The following SCARB2 variants were observed in gnomAD, a reference collection of about 807,000 sequenced individuals.
SCARB2 encodes the protein scavenger receptor class B member 2, also known as lysosome membrane protein 2.
Under a neutral mutation model 58.6 loss-of-function variants are expected in SCARB2, and 29 were observed. The ratio of observed to expected loss-of-function variants is 0.49; its 90% CI spans 0.37 to 0.67. The LOEUF is 0.67. Among genes scored for constraint, SCARB2 ranks in the 30% least tolerant of loss-of-function variants. The pLI is 0.00. For synonymous variants in SCARB2, 195 were observed against 210.1 expected (o/e 0.93, Z 0.62); for missense variants, 488 against 578.5 (o/e 0.84, Z 1.60).
intron 1 of SCARB2, among the ~76,000 whole-genome samples, chr4:76,197,173 G>C (rs1269070810): frequency 6.6e-6 from 1 of 152,184 alleles, no homozygotes; most frequent in Non-Finnish European, 1.5e-5. Context: ...AAGCCACCCA[G>C]TCTGTTGTAT....
At chr4:76,202,817 T>C (rs1225475497) in intron 1 of SCARB2, among the ~76,000 whole-genome samples, 1 of 152,210 alleles carries the variant, frequency 6.6e-6, no homozygotes, top group African/African-American at 2.4e-5. Context: ...ATCCTTGTTA[T>C]TAAATAGGTT....
Position 76,174,322 on chromosome 4 carries a change from A to G in SCARB2, c.825-9T>C. 6.2e-7 allele frequency: 1 copy of G among 1,613,884 alleles called. No individual in the cohort carries two copies. The highest frequency in any genetic ancestry group is 8.5e-7 in the Non-Finnish European group (1 of 1,179,792). On this transcript the variant is annotated splice_polypyrimidine_tract_variant and intron_variant, in intron 6 of 11. Coordinates refer to ENST00000264896, the MANE Select transcript of SCARB2 (RefSeq NM_005506.4). The stretch of plus-strand genomic sequence containing the variant: ...AAGTAATATACACTGACCTGTTAGG[A>G]TGTAAGAATAAAAAGTGAATGTGGA...
intron 1 of SCARB2, among the ~76,000 whole-genome samples, chr4:76,196,065 G>A (rs566834316): frequency 3.9e-5 from 6 of 152,288 alleles, no homozygotes; most frequent in African/African-American, 1.4e-4. Context: ...AGTCAGAGAA[G>A]GCCTTCGATA....
At chr4:76,208,947 T>C (rs978303528) in intron 1 of SCARB2, among the ~76,000 whole-genome samples, 3 of 152,128 alleles carry the variant, frequency 2.0e-5, no homozygotes, top group African/African-American at 4.8e-5. Context: ...ACAGAAACCA[T>C]GTAGGACTAT....
At chr4:76,190,008 ACTT>A (rs1560713936) in intron 2 of SCARB2, among the ~76,000 whole-genome samples, 3 of 145,408 alleles carry the variant, frequency 2.1e-5, no homozygotes, top group African/African-American at 7.7e-5. Context: ...TATACTTGAC[ACTT>A]TTTTTTTTTT....
chr4:76,207,782 T>C (rs1732958766), intron 1 of SCARB2, among the ~76,000 whole-genome samples: 3 of 152,234 alleles, frequency 2.0e-5, no homozygotes, highest in Non-Finnish European at 2.9e-5. Context: ...GCAGAACAGA[T>C]GGCCCCTCTG....
chr4:76,186,699 C>G (rs1014363429), intron 2 of SCARB2, among the ~76,000 whole-genome samples: 2 of 152,154 alleles, frequency 1.3e-5, no homozygotes, highest in Non-Finnish European at 2.9e-5. Context: ...CCCATAGGCT[C>G]ACGTAGGCAA....
At position 76,180,956 on chromosome 4, in the gene SCARB2, A is replaced by G; in HGVS notation, c.421T>C (p.Leu141=). The change falls in exon 3 of 12, where the codon TTG becomes CTG. Residue 141 remains leucine (L), a splice_region_variant and synonymous_variant. Coordinates refer to ENST00000264896, the MANE Select transcript of SCARB2 (RefSeq NM_005506.4). ...DLIRTLNIPV[L]TVIEWSQVHF... ...ATGGTATTAAAATGCCTACTTACCA[A>G]TACAGGAATATTTAATGTTCTAATT... 1.2e-6 allele frequency: 2 copies of G among 1,611,152 alleles called. No individual in the cohort carries two copies. The highest frequency in any genetic ancestry group is 2.7e-5 in the African/African-American group (2 of 74,938).
At chr4:76,179,844 G>C (rs765344263) in intron 3 of SCARB2, 139 bp from the exon 4 acceptor site, 33 of 752,944 alleles carry the variant, frequency 4.4e-5, no homozygotes, top group Non-Finnish European at 5.4e-5. Context: ...ATCAGGCAGT[G>C]AGCTCCTTTC....
intron 2 of SCARB2, among the ~76,000 whole-genome samples, chr4:76,188,900 C>G (rs1216264806): frequency 6.6e-6 from 1 of 152,198 alleles, no homozygotes; most frequent in African/African-American, 2.4e-5. Context: ...ATGCATATTC[C>G]TAACAAAGCC....
chr4:76,215,391 T>G (rs1245512656), upstream of SCARB2, among the ~76,000 whole-genome samples: 1 of 152,208 alleles, frequency 6.6e-6, no homozygotes, highest in Non-Finnish European at 1.5e-5. Flanking sequence ...CTTTTTCTAC[T>G]CTGCGCATTG....
chr4:76,210,691 C>T (rs1280492165), intron 1 of SCARB2, among the ~76,000 whole-genome samples: 1 of 152,228 alleles, frequency 6.6e-6, no homozygotes, highest in East Asian at 1.9e-4. Context: ...CAATACGAGG[C>T]AGTCACCACT....
At chr4:76,206,404 A>G (rs1337183179) in intron 1 of SCARB2, among the ~76,000 whole-genome samples, 1 of 152,100 alleles carries the variant, frequency 6.6e-6, no homozygotes, top group Non-Finnish European at 1.5e-5. Flanking sequence ...ACCAAAGAAC[A>G]TCCACATGTT....
chr4:76,224,012 C>A (rs962334308), intron 1 of SCARB2, among the ~76,000 whole-genome samples: 3 of 152,128 alleles, frequency 2.0e-5, no homozygotes, highest in Non-Finnish European at 4.4e-5. Flanking sequence ...AATCTCCTGC[C>A]AAACCAGGAG....
At chr4:76,213,015 C>T in intron 1 of SCARB2, 1 of 285,102 alleles carries the variant, frequency 3.5e-6, no homozygotes. Context: ...CAGGCGCACA[C>T]CACTTCAAAG....
At position 76,170,529 on chromosome 4, in the gene SCARB2, T is replaced by A. The variant is rs187538570; in HGVS notation, c.995-544A>T. ...TGTCCTTTTTAAAATTAAAAAAAAA[T>A]TTTTGGTGGTTTTTTGTTTTGTTTT... is the stretch of plus-strand genomic sequence containing the variant. On this transcript the variant is annotated intron_variant, in intron 7 of 11. Coordinates refer to ENST00000264896, the MANE Select transcript of SCARB2 (RefSeq NM_005506.4). 8.1e-3 allele frequency among the ~76,000 whole-genome samples: 1,225 copies of A among 152,132 alleles called. 16 individuals carry two copies. The highest frequency in any genetic ancestry group is 0.026 in the African/African-American group (1,063 of 41,490).
chr4:76,188,126 A>G (rs1259345683), intron 2 of SCARB2, among the ~76,000 whole-genome samples: 3 of 152,176 alleles, frequency 2.0e-5, no homozygotes, highest in African/African-American at 7.2e-5. Flanking sequence ...TTCTTTTTTA[A>G]TTCTTGAAAT....
In SCARB2 at chr4:76,158,751, G is replaced by T. The variant is rs545603669; in HGVS notation, c.*2962C>A. On this transcript the variant is annotated 3_prime_UTR_variant, in exon 12 of 12. Transcript: ENST00000264896. Reference sequence around the variant, plus strand: ...TTCTAGAGCAATTTTATATAAAGTGGTTTTTTATTAATGAAACATTTCATT... The same window carrying T: ...TTCTAGAGCAATTTTATATAAAGTGTTTTTTTATTAATGAAACATTTCATT... The T allele has an allele frequency of 5.9e-5, 9 of 152,258 alleles. No homozygotes were observed. The highest frequency in any genetic ancestry group is 1.9e-4 in the African/African-American group (8 of 41,534). The allele number at this position is 152,258 out of a possible 1,614,324, so 9.4% of individuals were successfully genotyped here. A position where few individuals can be genotyped will look rare whatever the true frequency, so the allele number is the denominator to read the frequency against.
chr4:76,234,406 G>GAATGGT (rs1733547620), exon 1 of SCARB2: 1 of 152,314 alleles, frequency 6.6e-6, no homozygotes, highest in Admixed American at 6.5e-5. Context: ...ATTCAGGCTT[G>GAATGGT]CAGACAATTT....
Sources: allele counts gnomAD v4.1 joint callset (sites outside exome capture counted in the v4.1 genomes callset), GRCh38; gene constraint gnomAD v4.1.1; transcripts MANE v1.5; gene names NCBI Gene and HGNC (gene_info 2026-07-23, HGNC 2026-07-21).